ZNF33A: variants seen among roughly 807,000 people sequenced by gnomAD.
ZNF33A encodes the protein zinc finger protein 33A, also known as brain my041 protein.
ZNF33A carries 9 observed loss-of-function variants against 15.9 expected under a neutral mutation model. The ratio of observed to expected loss-of-function variants is 0.57; its 90% CI spans 0.34 to 0.99. The LOEUF (loss-of-function observed/expected upper bound fraction) is 0.99, where lower values mean the gene tolerates loss of function less well. Among genes scored for constraint, ZNF33A ranks in the 50% least tolerant of loss-of-function variants. ZNF33A has a pLI of 0.02. For synonymous variants in ZNF33A, 294 were observed against 324.2 expected (o/e 0.91, Z 1.00); for missense variants, 843 against 941.6 (o/e 0.90, Z 1.37).
At chr10:38,024,213 T>C (rs1272355028) in intron 4 of ZNF33A, among the ~76,000 whole-genome samples, 4 of 142,662 alleles carry the variant, frequency 2.8e-5, no homozygotes, top group African/African-American at 5.3e-5. Context: ...AAAGAATGAA[T>C]GATTTCCAAA....
chr10:38,048,399 T>C (rs184590413), intron 4 of ZNF33A, among the ~76,000 whole-genome samples: 2 of 152,332 alleles, frequency 1.3e-5, no homozygotes, highest in East Asian at 3.9e-4. Context: ...AAGATCCATA[T>C]ATGTACTATT....
chr10:38,021,572 G>A (rs117190075), intron 4 of ZNF33A, among the ~76,000 whole-genome samples: 9,120 of 152,168 alleles, frequency 0.06, 352 homozygotes, highest in Middle Eastern at 0.095. Flanking sequence ...ACTGGGAGGC[G>A]AAGGTTGCAG....
At chr10:38,063,537 G>C (rs1335994336), downstream of ZNF33A, among the ~76,000 whole-genome samples, 1 of 149,660 alleles carries the variant, frequency 6.7e-6, no homozygotes, top group African/African-American at 2.5e-5. Flanking sequence ...GAGTTGTTTT[G>C]CATTTCCTTG....
chr10:38,042,006 T>C (rs1457219016), intron 4 of ZNF33A, among the ~76,000 whole-genome samples: 1 of 152,106 alleles, frequency 6.6e-6, no homozygotes, highest in Non-Finnish European at 1.5e-5. Context: ...GTTGTTCCCC[T>C]CCCTGTGTTC....
At position 38,033,768 on chromosome 10, in the gene ZNF33A, C is replaced by T. The variant is rs143806953; in HGVS notation, c.250+16382C>T. On this transcript the variant is annotated intron_variant, in intron 4 of 4. Transcript: ENST00000432900. ...CGCTCTGTTTGCCCAGGCTGGAGTG[C>T]GGTGGTGGGATCTTGGCTCACTGCA... Among the ~76,000 whole-genome samples the T allele has an allele frequency of 1.0e-2, 1,499 of 150,316 alleles. 10 individuals are homozygous for T. The highest frequency in any genetic ancestry group is 0.014 in the Non-Finnish European group (973 of 67,824).
chr10:38,018,117 AAAAT>A (rs1368025760), intron 4 of ZNF33A, among the ~76,000 whole-genome samples: 1 of 152,182 alleles, frequency 6.6e-6, no homozygotes, highest in Non-Finnish European at 1.5e-5. Context: ...TAAATATAAA[AAAAT>A]AAATTATGCC....
At chr10:38,046,672 G>C (rs2065959219) in intron 4 of ZNF33A, among the ~76,000 whole-genome samples, 1 of 152,124 alleles carries the variant, frequency 6.6e-6, no homozygotes, top group South Asian at 2.1e-4. Flanking sequence ...TTCTCAAAGA[G>C]ACTAACCAGG....
chr10:38,010,858 T>G, intron 1 of ZNF33A, 75 bp downstream of exon 1: 1 of 1,570,752 alleles, frequency 6.4e-7, no homozygotes, highest in African/African-American at 1.3e-5. Context: ...AGGGGGCCGG[T>G]ACCAAGTGGT....
At chr10:38,049,139 C>T (rs2066084826) in intron 4 of ZNF33A, among the ~76,000 whole-genome samples, 2 of 151,994 alleles carry the variant, frequency 1.3e-5, no homozygotes, top group Admixed American at 6.6e-5. Context: ...TCTATAAAAT[C>T]CCTAATAGTT....
At chr10:38,027,532 T>G (rs149719256) in intron 4 of ZNF33A, among the ~76,000 whole-genome samples, 198 of 152,014 alleles carry the variant, frequency 1.3e-3, no homozygotes, top group African/African-American at 4.7e-3. Flanking sequence ...TATCTTTTTT[T>G]TTTTTTGGTG....
intron 1 of ZNF33A, among the ~76,000 whole-genome samples, chr10:38,011,208 C>T (rs1358364677): frequency 5.9e-5 from 9 of 152,242 alleles, no homozygotes; most frequent in Non-Finnish European, 1.3e-4. Context: ...GAACTGACCT[C>T]CAGTCAGGTC....
Position 38,036,805 on chromosome 10 carries a change from C to A in ZNF33A, c.251-17570C>A, listed in dbSNP as rs1402181977. ...AGGAAGAAATAAAACTTTCTTCGTA[C>A]AGGCATGATTGCCTAAGGAGAAAAT... On this transcript the variant is annotated intron_variant, in intron 4 of 4. Coordinates refer to ENST00000432900, the MANE Select transcript of ZNF33A (RefSeq NM_006954.2). 5.3e-5 allele frequency among the ~76,000 whole-genome samples: 8 copies of A among 152,286 alleles called. 1 individual carries two copies. The highest frequency in any genetic ancestry group is 3.4e-3 in the Middle Eastern group (1 of 294).
chr10:38,064,236 T>TC (rs930185536), downstream of ZNF33A: 22 of 877,708 alleles, frequency 2.5e-5, no homozygotes, highest in Non-Finnish European at 3.7e-5. Flanking sequence ...TGGTCACATC[T>TC]CCAACACTAG....
At chr10:38,039,771 CT>C (rs139048375) in intron 4 of ZNF33A, among the ~76,000 whole-genome samples, 9,095 of 151,690 alleles carry the variant, frequency 0.06, 351 homozygotes, top group Middle Eastern at 0.096. Context: ...CCTTCTCTCT[CT>C]TTTTTTTCTT....
At chr10:38,049,955 G>A (rs1016054604) in intron 4 of ZNF33A, among the ~76,000 whole-genome samples, 4 of 152,078 alleles carry the variant, frequency 2.6e-5, no homozygotes, top group Middle Eastern at 3.2e-3. Flanking sequence ...TCAATTTGAC[G>A]ATTTTGATGA....
downstream of ZNF33A, among the ~76,000 whole-genome samples, chr10:38,063,532 G>GT (rs2066680449): frequency 6.6e-6 from 1 of 152,110 alleles, no homozygotes; most frequent in South Asian, 2.1e-4. Context: ...TCATGGAGTT[G>GT]TTTTGCATTT....
In ZNF33A at chr10:38,056,162, C is replaced by G. The variant is rs751995305; in HGVS notation, c.2038C>G (p.Leu680Val). The G allele has an allele frequency of 1.2e-6, 2 of 1,614,078 alleles. No homozygotes were observed. Among genetic ancestry groups the G allele is most frequent in the Non-Finnish European group, 1.7e-6 (2 of 1,180,002 alleles). The part of the protein sequence containing the change: ...CGKSFCVKSG[L>V]IFHERKHTGE... ...AAAATCTTTCTGTGTAAAATCAGGA[C>G]TTATTTTCCATGAGAGAAAGCACAC... The change falls in exon 5 of 5, where the codon CTT (leucine) becomes GTT (valine). Residue 680 changes from leucine (L) to valine (V), a missense_variant. Transcript: ENST00000432900.
At position 38,059,841 on chromosome 10, in the gene ZNF33A, T is replaced by G. The variant is rs1564890945; in HGVS notation, c.*3281T>G. On this transcript the variant is annotated 3_prime_UTR_variant, in exon 5 of 5. Transcript: ENST00000432900. The stretch of plus-strand genomic sequence containing the variant: ...ACAGAGTAAACCCTAATGTCAACTC[T>G]GGACTTCAGTTAATAATAATGTATC... 1 of 153,564 alleles carries G rather than the reference T, an allele frequency of 6.5e-6. No homozygotes were observed. Among genetic ancestry groups the G allele is most frequent in the Non-Finnish European group, 1.4e-5 (1 of 69,190 alleles). 9.5% of individuals were successfully genotyped at this position (153,564 alleles called of 1,614,324 possible).
intron 4 of ZNF33A, among the ~76,000 whole-genome samples, chr10:38,033,098 C>T (rs560376790): frequency 2.6e-5 from 4 of 152,188 alleles, no homozygotes; most frequent in South Asian, 2.1e-4. Flanking sequence ...AGCAAATATC[C>T]GTTAGCAGTT....
Sources: allele counts gnomAD v4.1 joint callset (sites outside exome capture counted in the v4.1 genomes callset), GRCh38; gene constraint gnomAD v4.1.1; transcripts MANE v1.5; gene names NCBI Gene and HGNC (gene_info 2026-07-23, HGNC 2026-07-21).